Variants in MYO16 observed in about 807,000 individuals in gnomAD.
The protein encoded by MYO16 is myosin XVI.
A neutral mutation model predicts 205.3 loss-of-function variants in MYO16; 94 were observed. The observed-to-expected ratio is 0.46, with a 90% CI of 0.39 to 0.54. The LOEUF (loss-of-function observed/expected upper bound fraction) is 0.54. Ranked by LOEUF, MYO16 falls within the 20% of genes least tolerant of loss-of-function variation. The pLI, the probability that MYO16 is intolerant of heterozygous loss-of-function variation, is 0.00. For synonymous variants in MYO16, 988 were observed against 954.0 expected (o/e 1.04, Z -0.66); for missense variants, 2,315 against 2,387.5 (o/e 0.97, Z 0.63).
chr13:109,026,395 G>A (rs1886362842), intron 23 of MYO16, among the ~76,000 whole-genome samples: 1 of 152,082 alleles, frequency 6.6e-6, no homozygotes, highest in Non-Finnish European at 1.5e-5. Context: ...AAGCAGCCAG[G>A]AGCCAAGGAA....
At chr13:108,826,075 T>C (rs754384854) in intron 9 of MYO16, among the ~76,000 whole-genome samples, 3 of 152,036 alleles carry the variant, frequency 2.0e-5, no homozygotes, top group Non-Finnish European at 4.4e-5. Flanking sequence ...GATAGGCCAA[T>C]ATTTAAAATC....
chr13:108,831,244 A>C (rs1876605156), intron 9 of MYO16, among the ~76,000 whole-genome samples: 1 of 152,210 alleles, frequency 6.6e-6, no homozygotes, highest in African/African-American at 2.4e-5. Context: ...CACATGCAGA[A>C]GTCTACCGGG....
At chr13:108,703,050 A>G (rs1393769954) in intron 2 of MYO16, among the ~76,000 whole-genome samples, 1 of 152,160 alleles carries the variant, frequency 6.6e-6, no homozygotes, top group East Asian at 1.9e-4. Context: ...CATAACAAAC[A>G]AAAGCAAAAT....
chr13:108,935,854 A>G (rs1268612957), intron 16 of MYO16, among the ~76,000 whole-genome samples: 1 of 150,876 alleles, frequency 6.6e-6, no homozygotes, highest in Non-Finnish European at 1.5e-5. Context: ...GTTGGATTTT[A>G]TCAGAAACTT....
At position 109,188,528 on chromosome 13, in the gene MYO16, T is replaced by C. The variant is rs183712507; in HGVS notation, c.5415+8895T>C. Among the ~76,000 whole-genome samples, 36 of 152,278 alleles carry C rather than the reference T, an allele frequency of 2.4e-4. No homozygotes were observed. The Middle Eastern group carries it at 0.01, about 43-fold the overall frequency. On this transcript the variant is annotated intron_variant, in intron 34 of 34. Coordinates refer to ENST00000457511, the MANE Select transcript of MYO16 (RefSeq NM_001198950.3). ...AGATTTAGGTATGTATTAGATAGAT[T>C]CTCTAGAGCGACAGAACTAACACGA...
chr13:109,082,984 A>T (rs1180453299), intron 27 of MYO16, among the ~76,000 whole-genome samples: 1 of 152,202 alleles, frequency 6.6e-6, no homozygotes, highest in African/African-American at 2.4e-5. Context: ...TTTGAATATC[A>T]CCAGAATATG....
chr13:109,168,891 CAG>C (rs35245863), intron 33 of MYO16, among the ~76,000 whole-genome samples: 53,876 of 151,856 alleles, frequency 0.35, 11,647 homozygotes, highest in Non-Finnish European at 0.49. Flanking sequence ...GGCTCGGGTA[CAG>C]TGTCGGTATG....
intron 15 of MYO16, among the ~76,000 whole-genome samples, chr13:108,901,003 G>T (rs756138343): frequency 6.6e-6 from 1 of 152,144 alleles, no homozygotes; most frequent in Non-Finnish European, 1.5e-5. Flanking sequence ...GTAGCAGAGG[G>T]ATGAAATAAG....
intron 27 of MYO16, among the ~76,000 whole-genome samples, chr13:109,079,392 T>C (rs1888213277): frequency 6.6e-6 from 1 of 152,148 alleles, no homozygotes; most frequent in South Asian, 2.1e-4. Context: ...TATGGGTTTT[T>C]TTTTTTTAAC....
At chr13:108,559,663 C>T in the MYO16 span, among the ~76,000 whole-genome samples, 14 of 151,442 alleles carry the variant, frequency 9.2e-5, no homozygotes, top group African/African-American at 2.2e-4. Flanking sequence ...TTAGTAGAGA[C>T]GGGGTTTCAC....
At chr13:108,642,314 A>T (rs4476024) in intron 1 of MYO16, among the ~76,000 whole-genome samples, 1 of 152,090 alleles carries the variant, frequency 6.6e-6, no homozygotes, top group Non-Finnish European at 1.5e-5. Flanking sequence ...CCCAGTCTGC[A>T]GTCTAGTAAC....
chr13:109,008,119 T>C (rs965165117), intron 21 of MYO16, among the ~76,000 whole-genome samples: 1 of 152,260 alleles, frequency 6.6e-6, no homozygotes, highest in Non-Finnish European at 1.5e-5. Context: ...CAGATATACT[T>C]GATCTGTGAA....
At chr13:108,556,139 T>G in the MYO16 span, among the ~76,000 whole-genome samples, 1 of 151,878 alleles carries the variant, frequency 6.6e-6, no homozygotes, top group African/African-American at 2.4e-5. Context: ...CTGACTTTAT[T>G]TCCTTTGGAT....
intron 6 of MYO16, among the ~76,000 whole-genome samples, chr13:108,795,365 C>T (rs9559414): frequency 0.63 from 95,492 of 151,706 alleles, 30,350 homozygotes; most frequent in Middle Eastern, 0.7. Context: ...CATGTCACCA[C>T]GCCCAGCTAA....
chr13:108,964,757 T>A lies in MYO16; in HGVS notation c.2228-4T>A. ...CACTCCTCCTTTTCTTTCTACCATT[T>A]TAGGGGATATGATAATACGACGACA... On this transcript the variant is annotated splice_polypyrimidine_tract_variant and splice_region_variant and intron_variant, in intron 19 of 34. Coordinates refer to ENST00000457511, the MANE Select transcript of MYO16 (RefSeq NM_001198950.3). 1 of 1,613,668 alleles carries A rather than the reference T, an allele frequency of 6.2e-7. No homozygotes were observed. The highest frequency in any genetic ancestry group is 8.5e-7 in the Non-Finnish European group (1 of 1,179,762).
At chr13:109,154,554 G>T (rs1204455096) in intron 32 of MYO16, among the ~76,000 whole-genome samples, 1 of 151,902 alleles carries the variant, frequency 6.6e-6, no homozygotes. Context: ...TTTAATTTTT[G>T]CTGTTTCTTT....
At chr13:108,949,013 T>C (rs1181087423) in intron 16 of MYO16, among the ~76,000 whole-genome samples, 1 of 152,202 alleles carries the variant, frequency 6.6e-6, no homozygotes, top group East Asian at 1.9e-4. Flanking sequence ...GATGAGTTAA[T>C]TAGAAATAGC....
chr13:108,760,157 A>T (rs1316721635), intron 4 of MYO16, among the ~76,000 whole-genome samples: 1 of 152,138 alleles, frequency 6.6e-6, no homozygotes, highest in Non-Finnish European at 1.5e-5. Flanking sequence ...ACTAGAATGT[A>T]CTCCTTCTAC....
chr13:108,739,988 A>G (rs191646072), intron 4 of MYO16, among the ~76,000 whole-genome samples: 1,531 of 152,276 alleles, frequency 0.01, 16 homozygotes, highest in Non-Finnish European at 0.015. Flanking sequence ...CAGCTCCATC[A>G]GGTCATTTAA....
Sources: gnomAD v4.1 joint callset for allele counts (sites outside exome capture counted in the v4.1 genomes callset) on GRCh38, gnomAD v4.1.1 for gene constraint, MANE v1.5 for transcripts, NCBI Gene and HGNC (gene_info 2026-07-23, HGNC 2026-07-21) for gene names.